The following THSD7A variants were observed in gnomAD, a reference collection of about 807,000 sequenced individuals.
THSD7A encodes thrombospondin type 1 domain containing 7A.
THSD7A carries 96 observed loss-of-function variants against 231.3 expected under a neutral mutation model. The observed-to-expected ratio is 0.41, with a 90% CI of 0.35 to 0.49. The LOEUF (loss-of-function observed/expected upper bound fraction) is 0.49, where lower values mean the gene tolerates loss of function less well. Ranked by LOEUF, THSD7A falls within the 20% of genes least tolerant of loss-of-function variation. The pLI, the probability that THSD7A is intolerant of heterozygous loss-of-function variation, is 0.05. For missense variants in THSD7A, 2,290 were observed against 2,070.2 expected (o/e 1.11, Z -2.06); for synonymous variants, 940 against 743.3 (o/e 1.26, Z -4.30).
At chr7:11,476,264 G>A (rs529695861) in intron 7 of THSD7A, among the ~76,000 whole-genome samples, 3 of 147,138 alleles carry the variant, frequency 2.0e-5, no homozygotes, top group African/African-American at 7.5e-5. Flanking sequence ...GTTAAGGCAA[G>A]AATATTAAAA....
chr7:11,773,172 CA>C (rs1157388360), intron 1 of THSD7A, among the ~76,000 whole-genome samples: 1 of 151,992 alleles, frequency 6.6e-6, no homozygotes, highest in Admixed American at 6.5e-5. Context: ...ACTATGCTAA[CA>C]AAAAATGCAT....
At chr7:11,592,543 CTTAT>C (rs892041502) in intron 3 of THSD7A, among the ~76,000 whole-genome samples, 1 of 152,086 alleles carries the variant, frequency 6.6e-6, no homozygotes, top group Non-Finnish European at 1.5e-5. Context: ...CAGAATGAGT[CTTAT>C]TTAATCTGAA....
At position 11,810,224 on chromosome 7, in the gene THSD7A, G is replaced by A. The variant is rs140105141; in HGVS notation, c.190+21533C>T. 3.9e-5 allele frequency among the ~76,000 whole-genome samples: 6 copies of A among 152,264 alleles called. No homozygotes were observed. In the East Asian group the frequency reaches 7.7e-4, roughly 20 times the overall value. On this transcript the variant is annotated intron_variant, in intron 1 of 27. Coordinates refer to ENST00000423059, the MANE Select transcript of THSD7A (RefSeq NM_015204.3). ...TCCTACGGTTTCATGGGTAGAGAGC[G>A]AGCTATTCAGAGTGTAAACCTTTCA...
intron 1 of THSD7A, among the ~76,000 whole-genome samples, chr7:11,712,519 C>G (rs1335408913): frequency 6.6e-6 from 1 of 151,024 alleles, no homozygotes; most frequent in Non-Finnish European, 1.5e-5. Flanking sequence ...AACACTGTCA[C>G]TAACCTTGGC....
In THSD7A at chr7:11,454,279, CCTCT is replaced by C. The variant is rs200612978; in HGVS notation, c.2605+6379_2605+6382del. Among the ~76,000 whole-genome samples, 1,253 of 151,806 alleles carry C rather than the reference CCTCT, an allele frequency of 8.3e-3. 14 individuals carry two copies. The highest frequency in any genetic ancestry group is 0.025 in the African/African-American group (1,049 of 41,446). ...GTCTTCTTTAAAAATTTCTCTTTTT[CCTCT>C]CTCTTTTTACTTCTTATGCCATTAT... On this transcript the variant is annotated intron_variant, in intron 11 of 27. Transcript: ENST00000423059.
intron 1 of THSD7A, among the ~76,000 whole-genome samples, chr7:11,714,601 C>A (rs1661052639): frequency 6.6e-6 from 1 of 151,212 alleles, no homozygotes. Flanking sequence ...GAATTAGCCA[C>A]CTTTCTCACC....
chr7:11,619,242 A>G (rs376515876), intron 2 of THSD7A, among the ~76,000 whole-genome samples: 1 of 152,214 alleles, frequency 6.6e-6, no homozygotes. Context: ...ATCAATGACT[A>G]CAAGAAATGC....
At chr7:11,706,630 CTTTTTT>C (rs66964252) in intron 1 of THSD7A, among the ~76,000 whole-genome samples, 2,278 of 66,430 alleles carry the variant, frequency 0.034, 52 homozygotes, top group Non-Finnish European at 0.049. Flanking sequence ...TAACAAGGTG[CTTTTTT>C]TTTTTTTTTT....
chr7:11,564,452 C>T (rs1454284434), intron 4 of THSD7A, among the ~76,000 whole-genome samples: 2 of 152,198 alleles, frequency 1.3e-5, no homozygotes, highest in African/African-American at 4.8e-5. Context: ...ACTGCCCTTG[C>T]CTTCAGTCTT....
intron 23 of THSD7A, among the ~76,000 whole-genome samples, chr7:11,388,756 G>C (rs1782864540): frequency 6.6e-6 from 1 of 152,112 alleles, no homozygotes; most frequent in Admixed American, 6.6e-5. Flanking sequence ...TGTGATGTTA[G>C]AGTGTAAATT....
At chr7:11,607,618 A>C (rs1022796158) in intron 2 of THSD7A, among the ~76,000 whole-genome samples, 1 of 151,900 alleles carries the variant, frequency 6.6e-6, no homozygotes, top group African/African-American at 2.4e-5. Flanking sequence ...ATTTCTTATA[A>C]TTATTTATTT....
intron 4 of THSD7A, among the ~76,000 whole-genome samples, chr7:11,587,333 T>C (rs1779951453): frequency 6.6e-6 from 1 of 152,176 alleles, no homozygotes; most frequent in East Asian, 1.9e-4. Flanking sequence ...GTTTTACTAC[T>C]GACACTGTCA....
intron 6 of THSD7A, among the ~76,000 whole-genome samples, chr7:11,533,786 T>C (rs955991261): frequency 1.3e-5 from 2 of 152,130 alleles, no homozygotes; most frequent in Non-Finnish European, 2.9e-5. Context: ...CATGCAGGAC[T>C]TAAAACCTAG....
At position 11,745,626 on chromosome 7, in the gene THSD7A, G is replaced by T. The variant is rs1262418917; in HGVS notation, c.190+86131C>A. 2.6e-5 allele frequency among the ~76,000 whole-genome samples: 4 copies of T among 152,100 alleles called. No individual in the cohort carries two copies. In the East Asian group the frequency reaches 7.7e-4, roughly 29 times the overall value. ...CATCTTGAATTAATTTTTGTACAAG[G>T]TGTAAGGAAGGGATCCAGTTTCAGC... On this transcript the variant is annotated intron_variant, in intron 1 of 27. Coordinates refer to ENST00000423059, the MANE Select transcript of THSD7A (RefSeq NM_015204.3).
rs1782282319 is a variant in THSD7A, at chr7:11,376,557, T to G, written c.4889+13A>C. 2 of 1,556,766 alleles carry G rather than the reference T, an allele frequency of 1.3e-6. No individual in the cohort carries two copies. The highest frequency in any genetic ancestry group is 2.7e-5 in the African/African-American group (2 of 73,268). ...AAGTATCTCTTTGGATTTTTAATTATTTAAACACTCACCAAGCTAGATAAA... is the reference window on the plus strand; with the variant it reads ...AAGTATCTCTTTGGATTTTTAATTAGTTAAACACTCACCAAGCTAGATAAA... On this transcript the variant is annotated intron_variant, in intron 27 of 27. Transcript: ENST00000423059.
intron 2 of THSD7A, among the ~76,000 whole-genome samples, chr7:11,623,862 G>A (rs901755104): frequency 2.6e-5 from 4 of 152,136 alleles, no homozygotes; most frequent in African/African-American, 9.7e-5. Context: ...TCATCTCAGA[G>A]TTTCCCTGAC....
intron 1 of THSD7A, among the ~76,000 whole-genome samples, chr7:11,726,051 A>G (rs948402363): frequency 6.6e-6 from 1 of 152,024 alleles, no homozygotes; most frequent in East Asian, 1.9e-4. Context: ...CATTTTAACT[A>G]TTTAAAAAAT....
intron 2 of THSD7A, among the ~76,000 whole-genome samples, chr7:11,616,277 C>A (rs1330028784): frequency 6.6e-6 from 1 of 152,142 alleles, no homozygotes; most frequent in African/African-American, 2.4e-5. Flanking sequence ...CTCTCTGCTT[C>A]CAGGAGGAAG....
chr7:11,567,454 T>G (rs115726200), intron 4 of THSD7A, among the ~76,000 whole-genome samples: 3,146 of 152,192 alleles, frequency 0.021, 118 homozygotes, highest in African/African-American at 0.072. Flanking sequence ...CAGTTCAAGA[T>G]GAGATTTAGG....
Sources: allele counts gnomAD v4.1 joint callset (sites outside exome capture counted in the v4.1 genomes callset), GRCh38; gene constraint gnomAD v4.1.1; transcripts MANE v1.5; gene names NCBI Gene and HGNC (gene_info 2026-07-23, HGNC 2026-07-21).